ATG2B: variants seen among roughly 807,000 people sequenced by gnomAD.
ATG2B encodes the protein autophagy-related protein 2 homolog B.
In ATG2B, 121 loss-of-function variants were observed where a neutral mutation model predicts 241.3. That is an observed-to-expected ratio of 0.50 (90% CI 0.43 to 0.58). The LOEUF (loss-of-function observed/expected upper bound fraction) is 0.58. Among genes scored for constraint, ATG2B ranks in the 20% least tolerant of loss-of-function variants. The pLI, the probability that ATG2B is intolerant of heterozygous loss-of-function variation, is 0.00. For synonymous variants in ATG2B, 858 were observed against 876.6 expected, an observed-to-expected ratio of 0.98 and a Z score of 0.37; for missense variants, 2,306 against 2,491.6, an observed-to-expected ratio of 0.93 and a Z score of 1.59.
At chr14:96,343,540 T>A (rs1888099235) in intron 4 of ATG2B, among the ~76,000 whole-genome samples, 1 of 152,210 alleles carries the variant, frequency 6.6e-6, no homozygotes, top group African/African-American at 2.4e-5. Flanking sequence ...ATGGTCAGTC[T>A]CACCATGCTT....
Position 96,295,510 on chromosome 14 carries a change from T to C in ATG2B, c.5190A>G (p.Val1730=). 6.2e-7 allele frequency: 1 copy of C among 1,607,318 alleles called. No individual in the cohort carries two copies. Among genetic ancestry groups the C allele is most frequent in the Non-Finnish European group, 8.5e-7 (1 of 1,177,448 alleles). The change falls in exon 35 of 42, where the codon GTA becomes GTG. Residue 1730 remains valine (V), a synonymous_variant. Coordinates refer to ENST00000359933, the MANE Select transcript of ATG2B (RefSeq NM_018036.7). The part of the protein sequence containing the change: ...KDFFTSLSAE[V]ELQMTPDPEV... ...CTGGATCTGGAGTCATTTGAAGCTCTACTTCTGCAGAAAGACTTGTGAAGA... is the reference window on the plus strand; with the variant it reads ...CTGGATCTGGAGTCATTTGAAGCTCCACTTCTGCAGAAAGACTTGTGAAGA...
In ATG2B at chr14:96,332,581, G is replaced by A; in HGVS notation, c.1282C>T (p.Pro428Ser). ...SLSSLPPLGD[P>S]PNMDLELSLT... ...GATAACTCAAGGTCCATGTTTGGGG[G>A]GTCCCCAAGGGGTGGAAGAGAAGAG... The change falls in exon 9 of 42, where the codon CCC becomes TCC. Residue 428 changes from proline (P) to serine (S), a missense_variant. By Grantham distance (74) the Pro-to-Ser change is moderately conservative. Transcript: ENST00000359933. 3.7e-6 allele frequency: 6 copies of A among 1,610,106 alleles called. No individual in the cohort carries two copies. The highest frequency in any genetic ancestry group is 5.1e-6 in the Non-Finnish European group (6 of 1,178,528).
chr14:96,356,680 G>A (rs1250110750), intron 1 of ATG2B, among the ~76,000 whole-genome samples: 2 of 152,092 alleles, frequency 1.3e-5, no homozygotes, highest in Non-Finnish European at 2.9e-5. Flanking sequence ...GGGGCCAGAA[G>A]CCTGAATGTT....
At chr14:96,327,000 C>G (rs538197565) in intron 14 of ATG2B, among the ~76,000 whole-genome samples, 1 of 152,248 alleles carries the variant, frequency 6.6e-6, no homozygotes, top group South Asian at 2.1e-4. Context: ...ATACAGACTA[C>G]CCCACAGAAA....
At chr14:96,352,538 A>G (rs960524309) in intron 1 of ATG2B, among the ~76,000 whole-genome samples, 1 of 152,084 alleles carries the variant, frequency 6.6e-6, no homozygotes, top group African/African-American at 2.4e-5. Flanking sequence ...AGGTGGTGAC[A>G]TTGATGATCC....
chr14:96,333,566 T>C (rs1163922946), intron 8 of ATG2B, 122 bp downstream of exon 8: 18 of 887,936 alleles, frequency 2.0e-5, no homozygotes. Flanking sequence ...TGTGGATTTC[T>C]TACAATGTGG....
chr14:96,331,306 G>T, intron 11 of ATG2B, 70 bp downstream of exon 11: 1 of 1,420,076 alleles, frequency 7.0e-7, no homozygotes. Flanking sequence ...GTCCACATGT[G>T]GTTCTTTTTC....
chr14:96,333,904 T>A, intron 7 of ATG2B, 31 bp from the exon 8 acceptor site: 1 of 1,581,302 alleles, frequency 6.3e-7, no homozygotes, highest in South Asian at 1.1e-5. Context: ...ACCAAAACAG[T>A]AATTAAATTT....
chr14:96,343,981 A>G (rs1311525130), intron 4 of ATG2B, among the ~76,000 whole-genome samples: 1 of 152,248 alleles, frequency 6.6e-6, no homozygotes, highest in Non-Finnish European at 1.5e-5. Flanking sequence ...TCTGGTGCTC[A>G]TGCAGTGTAC....
At position 96,291,679 on chromosome 14, in the gene ATG2B, T is replaced by A. The variant is rs1419663574; in HGVS notation, c.5500A>T (p.Thr1834Ser). Residue 1834 changes from threonine to serine, a missense_variant, in exon 38 of 42, where the codon ACG becomes TCG. Physicochemically the swap from Thr to Ser is moderately conservative, Grantham distance 58 (BLOSUM62 1). Around this residue, in one of 2 missense-constraint regions of ATG2B, gnomAD observed 379 missense variants for 480.4 expected, o/e 0.79. Transcript: ENST00000359933. ...AGACCAATCAAAATCCCAGCTAGCGTACCCTTCAAAATTAAAAAAGGCCAA... is the reference window on the plus strand; with the variant it reads ...AGACCAATCAAAATCCCAGCTAGCGAACCCTTCAAAATTAAAAAAGGCCAA... ...HGKHVSMDQG[T>S]LAGILIGLAQ... 13 of 1,603,314 alleles carry A rather than the reference T, an allele frequency of 8.1e-6. No homozygotes were observed. In the Admixed American group the frequency reaches 2.2e-4, roughly 27 times the overall value.
In ATG2B at chr14:96,320,536, A is replaced by T. The variant is rs183550901; in HGVS notation, c.2879+1576T>A. 4.1e-3 allele frequency among the ~76,000 whole-genome samples: 626 copies of T among 152,262 alleles called. 1 individual carries two copies. The highest frequency in any genetic ancestry group is 0.014 in the Middle Eastern group (4 of 294). On this transcript the variant is annotated intron_variant, in intron 18 of 41. Coordinates refer to ENST00000359933, the MANE Select transcript of ATG2B (RefSeq NM_018036.7). Reference sequence around the variant, plus strand: ...CCACATGCAGGATTAAAAAAAAGGAAAGGGGGAAAAAAAGACAACATAGAA... The same window carrying T: ...CCACATGCAGGATTAAAAAAAAGGATAGGGGGAAAAAAAGACAACATAGAA...
intron 29 of ATG2B, among the ~76,000 whole-genome samples, chr14:96,308,272 A>ATATATATG (rs1566719935): frequency 3.9e-4 from 10 of 25,856 alleles, no homozygotes; most frequent in South Asian, 1.3e-3. Context: ...ATATATATAT[A>ATATATATG]TATATATATA....
chr14:96,329,374 C>T lies in ATG2B; in HGVS notation c.1881+110G>A, dbSNP rs143252793. On this transcript the variant is annotated intron_variant, in intron 12 of 41. Transcript: ENST00000359933. Reference sequence around the variant, plus strand: ...AGTGCAAAAAGAAAATGACAATATTCCTCCTATGGCTTTCTATACATTTTT... The same window carrying T: ...AGTGCAAAAAGAAAATGACAATATTTCTCCTATGGCTTTCTATACATTTTT... 3.0e-4 allele frequency: 198 copies of T among 664,012 alleles called. 1 individual carries two copies. The African/African-American group carries it at 3.3e-3, about 11-fold the overall frequency. 41.1% of individuals were successfully genotyped at this position (664,012 alleles called of 1,614,324 possible).
At chr14:96,316,497 C>G in intron 21 of ATG2B, 36 bp downstream of exon 21, 3 of 1,591,672 alleles carry the variant, frequency 1.9e-6, no homozygotes, top group Non-Finnish European at 2.6e-6. Flanking sequence ...TTAAACATGT[C>G]TAAAGAGAAG....
chr14:96,332,673 A>G lies in ATG2B; in HGVS notation c.1208-18T>C. 1 of 1,528,086 alleles carries G rather than the reference A, an allele frequency of 6.5e-7. No individual in the cohort carries two copies. The highest frequency in any genetic ancestry group is 8.7e-7 in the Non-Finnish European group (1 of 1,143,502). 94.7% of individuals were successfully genotyped at this position (1,528,086 alleles called of 1,614,324 possible). On this transcript the variant is annotated intron_variant, in intron 8 of 41. Coordinates refer to ENST00000359933, the MANE Select transcript of ATG2B (RefSeq NM_018036.7). ...TTCTTCTTCTAGAGAGAATTAAACTATGTCACTTGTATTATAATCCCACCA... is the reference window on the plus strand; with the variant it reads ...TTCTTCTTCTAGAGAGAATTAAACTGTGTCACTTGTATTATAATCCCACCA...
At chr14:96,321,110 C>T (rs1364989054) in intron 18 of ATG2B, among the ~76,000 whole-genome samples, 1 of 151,880 alleles carries the variant, frequency 6.6e-6, no homozygotes, top group Non-Finnish European at 1.5e-5. Context: ...TAATGTGAAC[C>T]CTAGAAGAAT....
intron 41 of ATG2B, among the ~76,000 whole-genome samples, chr14:96,287,296 A>G (rs936201872): frequency 1.3e-5 from 2 of 151,758 alleles, no homozygotes; most frequent in African/African-American, 2.4e-5. Flanking sequence ...AACTCAAAGA[A>G]ATAATAAGTA....
chr14:96,307,868 A>C (rs1275479901), intron 29 of ATG2B, among the ~76,000 whole-genome samples: 1 of 152,078 alleles, frequency 6.6e-6, no homozygotes, highest in Non-Finnish European at 1.5e-5. Flanking sequence ...ATATATTTTA[A>C]TATGTTTACA....
At chr14:96,321,701 A>G (rs1233433937) in intron 18 of ATG2B, among the ~76,000 whole-genome samples, 2 of 152,230 alleles carry the variant, frequency 1.3e-5, no homozygotes, top group East Asian at 1.9e-4. Context: ...TTGAATTCCA[A>G]CAAGATATCT....
Sources: allele counts gnomAD v4.1 joint callset (sites outside exome capture counted in the v4.1 genomes callset), GRCh38; gene constraint gnomAD v4.1.1; regional missense constraint gnomAD v4.1.1; transcripts MANE v1.5; gene names NCBI Gene and HGNC (gene_info 2026-07-23, HGNC 2026-07-21).